The following ZFPM2 variants were observed in gnomAD, a reference collection of about 807,000 sequenced individuals.
The protein encoded by ZFPM2 is zinc finger protein, FOG family member 2.
A neutral mutation model predicts 98.6 loss-of-function variants in ZFPM2; 20 were observed. The observed-to-expected ratio is 0.20, with a 90% CI of 0.14 to 0.29. The LOEUF (loss-of-function observed/expected upper bound fraction) is 0.29. ZFPM2 is among the 10% of genes least tolerant of loss of function. ZFPM2 has a pLI of 1.00. For synonymous variants in ZFPM2, 518 were observed against 502.7 expected (o/e 1.03, Z -0.41); for missense variants, 1,310 against 1,388.6 (o/e 0.94, Z 0.90).
intron 1 of ZFPM2, among the ~76,000 whole-genome samples, chr8:105,403,720 A>T (rs1216670560): frequency 6.6e-6 from 1 of 151,842 alleles, no homozygotes; most frequent in East Asian, 1.9e-4. Context: ...GGATTAATGG[A>T]CTTTAGGATT....
chr8:105,372,835 C>T (rs920239284), intron 1 of ZFPM2, among the ~76,000 whole-genome samples: 1 of 151,562 alleles, frequency 6.6e-6, no homozygotes, highest in Non-Finnish European at 1.5e-5. Context: ...GGACATGCAC[C>T]GTATTAGGAA....
At chr8:105,793,583 G>T (rs907784432) in intron 6 of ZFPM2, among the ~76,000 whole-genome samples, 9 of 152,084 alleles carry the variant, frequency 5.9e-5, no homozygotes, top group African/African-American at 2.2e-4. Context: ...CTCTTCTCAA[G>T]GAGAATCTTT....
chr8:105,538,609 C>T (rs1415992606), intron 3 of ZFPM2, among the ~76,000 whole-genome samples: 1 of 151,988 alleles, frequency 6.6e-6, no homozygotes, highest in Admixed American at 6.6e-5. Context: ...AAAACATTAT[C>T]CGTGACTTTA....
At chr8:105,549,373 A>G (rs1814789067) in intron 3 of ZFPM2, among the ~76,000 whole-genome samples, 1 of 152,090 alleles carries the variant, frequency 6.6e-6, no homozygotes, top group African/African-American at 2.4e-5. Context: ...TGCAGTAGCT[A>G]TGTACAATTT....
At chr8:105,446,353 A>G (rs1016257535) in intron 3 of ZFPM2, among the ~76,000 whole-genome samples, 8 of 152,136 alleles carry the variant, frequency 5.3e-5, no homozygotes, top group Admixed American at 5.2e-4. Flanking sequence ...TGATGGGGAA[A>G]ATTTGTAGGG....
intron 5 of ZFPM2, among the ~76,000 whole-genome samples, chr8:105,747,848 C>A (rs1318093073): frequency 1.3e-5 from 2 of 152,092 alleles, no homozygotes; most frequent in African/African-American, 4.8e-5. Context: ...ATGACATTTT[C>A]AAAGTGGAAC....
chr8:105,797,472 T>C (rs1322613315), intron 6 of ZFPM2, among the ~76,000 whole-genome samples: 1 of 152,222 alleles, frequency 6.6e-6, no homozygotes, highest in Non-Finnish European at 1.5e-5. Context: ...TATCTGATTA[T>C]GTCAGTGTCT....
At chr8:105,723,896 T>C (rs1378677966) in intron 5 of ZFPM2, among the ~76,000 whole-genome samples, 4 of 151,814 alleles carry the variant, frequency 2.6e-5, no homozygotes, top group East Asian at 3.9e-4. Flanking sequence ...CAGACAGATA[T>C]TCTTTCTCCT....
intron 4 of ZFPM2, among the ~76,000 whole-genome samples, chr8:105,564,339 T>C (rs890238484): frequency 6.6e-6 from 1 of 152,040 alleles, no homozygotes; most frequent in African/African-American, 2.4e-5. Context: ...CAGATTATTT[T>C]ATTTAGTTAA....
intron 3 of ZFPM2, among the ~76,000 whole-genome samples, chr8:105,461,115 A>C (rs1402644196): frequency 6.6e-6 from 1 of 152,120 alleles, no homozygotes; most frequent in Non-Finnish European, 1.5e-5. Context: ...AAATTATTTT[A>C]GGAACTCATA....
intron 1 of ZFPM2, among the ~76,000 whole-genome samples, chr8:105,353,449 T>G (rs1401047045): frequency 6.6e-6 from 1 of 152,222 alleles, no homozygotes; most frequent in Non-Finnish European, 1.5e-5. Context: ...TTTGTTGTTG[T>G]TGTTGTTAGA....
At chr8:105,619,023 C>A (rs953180377) in intron 4 of ZFPM2, among the ~76,000 whole-genome samples, 3 of 151,978 alleles carry the variant, frequency 2.0e-5, no homozygotes, top group Admixed American at 6.6e-5. Flanking sequence ...TGCAGAGGTG[C>A]ATGGATTAAA....
intron 5 of ZFPM2, among the ~76,000 whole-genome samples, chr8:105,711,564 A>G (rs1811399193): frequency 6.6e-6 from 1 of 152,034 alleles, no homozygotes. Context: ...ACTAATTTAT[A>G]TATGTGTTTA....
intron 5 of ZFPM2, among the ~76,000 whole-genome samples, chr8:105,650,784 G>T (rs1817154731): frequency 2.0e-5 from 3 of 152,146 alleles, no homozygotes; most frequent in Admixed American, 2.0e-4. Flanking sequence ...GCTGAGGAGT[G>T]CTTTACTTCC....
intron 3 of ZFPM2, among the ~76,000 whole-genome samples, chr8:105,504,651 A>G (rs1813660508): frequency 6.6e-6 from 1 of 152,226 alleles, no homozygotes; most frequent in East Asian, 1.9e-4. Context: ...TGAAAATGCA[A>G]AGTTAGTTAC....
At chr8:105,381,069 C>G (rs1810878697) in intron 1 of ZFPM2, among the ~76,000 whole-genome samples, 2 of 145,456 alleles carry the variant, frequency 1.4e-5, no homozygotes, top group Admixed American at 1.5e-4. Context: ...AATGCTATCC[C>G]TCCCCTTGCC....
At chr8:105,685,705 T>C (rs952139030) in intron 5 of ZFPM2, 2 of 152,108 alleles carry the variant, frequency 1.3e-5, no homozygotes, top group African/African-American at 4.8e-5. Context: ...TTTTGAGAAG[T>C]TGATATAGAG....
chr8:105,699,024 G>A (rs530842662), intron 5 of ZFPM2, among the ~76,000 whole-genome samples: 10 of 152,160 alleles, frequency 6.6e-5, no homozygotes, highest in African/African-American at 2.2e-4. Context: ...AAGTAAAAAT[G>A]AGCACATAAG....
At chr8:105,429,716 A>T (rs1245057176) in intron 2 of ZFPM2, among the ~76,000 whole-genome samples, 1 of 151,210 alleles carries the variant, frequency 6.6e-6, no homozygotes, top group Non-Finnish European at 1.5e-5. Context: ...AAAAAAAAAA[A>T]TGGACAGGGA....
Sources: gnomAD v4.1 joint callset for allele counts (sites outside exome capture counted in the v4.1 genomes callset) on GRCh38, gnomAD v4.1.1 for gene constraint, MANE v1.5 for transcripts, NCBI Gene and HGNC (gene_info 2026-07-23, HGNC 2026-07-21) for gene names.